NRXN1: variants seen among roughly 807,000 people sequenced by gnomAD.
NRXN1 encodes the protein neurexin-1.
In NRXN1, 39 loss-of-function variants were observed where a neutral mutation model predicts 150.9. The observed-to-expected ratio is 0.26, with a 90% CI of 0.20 to 0.34. NRXN1 has a LOEUF of 0.34. Ranked by LOEUF, NRXN1 falls within the 10% of genes least tolerant of loss-of-function variation. The pLI is 1.00. For missense variants in NRXN1, 1,815 were observed against 1,949.9 expected (o/e 0.93, Z 1.30); for synonymous variants, 924 against 757.0 (o/e 1.22, Z -3.62).
intron 5 of NRXN1, among the ~76,000 whole-genome samples, chr2:50,844,051 G>C (rs1055529628): frequency 6.6e-5 from 10 of 152,252 alleles, no homozygotes; most frequent in African/African-American, 2.4e-4. Context: ...TGTGTCGTGA[G>C]AAACACGCTC....
chr2:50,011,552 C>T (rs899981149), intron 21 of NRXN1, among the ~76,000 whole-genome samples: 3 of 152,158 alleles, frequency 2.0e-5, no homozygotes, highest in Admixed American at 2.0e-4. Flanking sequence ...ATAGATAATA[C>T]CTACCTAAGA....
At chr2:50,171,525 A>G (rs2060031363) in intron 18 of NRXN1, among the ~76,000 whole-genome samples, 1 of 152,072 alleles carries the variant, frequency 6.6e-6, no homozygotes, top group Non-Finnish European at 1.5e-5. Context: ...CATAGTTTAG[A>G]GTGTTACTTC....
chr2:50,573,148 T>C (rs1416672140), intron 8 of NRXN1, among the ~76,000 whole-genome samples: 1 of 152,052 alleles, frequency 6.6e-6, no homozygotes, highest in Non-Finnish European at 1.5e-5. Context: ...GGCAGGAGGA[T>C]TGCTTGAGCT....
intron 2 of NRXN1, among the ~76,000 whole-genome samples, chr2:50,999,984 A>T (rs1166940946): frequency 2.0e-5 from 3 of 152,038 alleles, no homozygotes; most frequent in Admixed American, 6.6e-5. Flanking sequence ...TTTCTGTTGA[A>T]TTTAGAATAA....
intron 5 of NRXN1, among the ~76,000 whole-genome samples, chr2:50,769,993 T>C (rs1047442808): frequency 4.6e-5 from 7 of 152,078 alleles, no homozygotes; most frequent in African/African-American, 1.4e-4. Flanking sequence ...TAAGGGGCAT[T>C]TGTATTCTGC....
At chr2:50,352,307 T>C (rs1402879401) in intron 17 of NRXN1, among the ~76,000 whole-genome samples, 6 of 152,144 alleles carry the variant, frequency 3.9e-5, no homozygotes. Context: ...TATTTCTTCA[T>C]ATTACAAAAA....
rs759572439 is a variant in NRXN1 at position 50,998,353 on chromosome 2, G to A, written c.772+29149C>T. Reference sequence around the variant, plus strand: ...CTAAGTAGAATGTCACTGCATATAGGGTATTGAAATACAGAAGCCATTTCT... The same window carrying A: ...CTAAGTAGAATGTCACTGCATATAGAGTATTGAAATACAGAAGCCATTTCT... On this transcript the variant is annotated intron_variant, in intron 2 of 22. Transcript: ENST00000401669. Among the ~76,000 whole-genome samples the A allele has an allele frequency of 2.4e-4, 26 of 106,248 alleles. 3 individuals carry two copies. Among genetic ancestry groups the A allele is most frequent in the Non-Finnish European group, 3.9e-4 (22 of 56,284 alleles). 69.7% of individuals were successfully genotyped at this position (106,248 alleles called of 152,430 possible). A position where few individuals can be genotyped will look rare whatever the true frequency, so the allele number is the denominator to read the frequency against.
At chr2:50,571,466 A>G (rs1436387606) in intron 8 of NRXN1, among the ~76,000 whole-genome samples, 1 of 152,048 alleles carries the variant, frequency 6.6e-6, no homozygotes, top group African/African-American at 2.4e-5. Flanking sequence ...GTCTCAGTGT[A>G]TTTTTGTCTA....
chr2:50,933,930 A>G (rs1383833703), intron 2 of NRXN1, among the ~76,000 whole-genome samples: 1 of 152,174 alleles, frequency 6.6e-6, no homozygotes, highest in Non-Finnish European at 1.5e-5. Context: ...GGTATACTTA[A>G]TTACTTCTTC....
At chr2:50,106,436 G>A (rs554740620) in intron 18 of NRXN1, among the ~76,000 whole-genome samples, 1 of 152,076 alleles carries the variant, frequency 6.6e-6, no homozygotes, top group South Asian at 2.1e-4. Context: ...GAACAAAAGA[G>A]AGAAGAATAT....
At chr2:50,127,987 C>T (rs12151722) in intron 18 of NRXN1, among the ~76,000 whole-genome samples, 39,903 of 152,120 alleles carry the variant, frequency 0.26, 5,703 homozygotes, top group Admixed American at 0.4. Flanking sequence ...CAGTTACTTT[C>T]GTTCTTCTCT....
chr2:50,932,592 G>A (rs996198970), intron 2 of NRXN1, among the ~76,000 whole-genome samples: 1 of 152,024 alleles, frequency 6.6e-6, no homozygotes, highest in Non-Finnish European at 1.5e-5. Flanking sequence ...AAGGGCAGGA[G>A]AGGAGTAAGG....
intron 17 of NRXN1, among the ~76,000 whole-genome samples, chr2:50,463,148 C>T (rs1205549004): frequency 1.3e-5 from 2 of 151,754 alleles, no homozygotes; most frequent in Non-Finnish European, 3.0e-5. Flanking sequence ...CCAGGAATCA[C>T]ACTAATTCTA....
chr2:50,007,596 G>C (rs949540844), intron 21 of NRXN1, among the ~76,000 whole-genome samples: 1 of 152,100 alleles, frequency 6.6e-6, no homozygotes, highest in East Asian at 1.9e-4. Flanking sequence ...ATTCCCTAGT[G>C]TATATGTGCC....
chr2:50,029,176 C>A (rs1300466486), intron 21 of NRXN1, among the ~76,000 whole-genome samples: 2 of 152,184 alleles, frequency 1.3e-5, no homozygotes, highest in Non-Finnish European at 2.9e-5. Context: ...GACAACACAG[C>A]TAAAAGACAG....
intron 21 of NRXN1, among the ~76,000 whole-genome samples, chr2:50,019,947 C>CAAAAAAAAAAAAAAAAAAAAAAAAA (rs1161865745): frequency 2.3e-5 from 1 of 43,358 alleles, no homozygotes; most frequent in Non-Finnish European, 4.9e-5. Flanking sequence ...GACTCCGTCT[C>CAAAAAAAAAAAAAAAAAAAAAAAAA]AAAAAAAAAA....
intron 19 of NRXN1, among the ~76,000 whole-genome samples, chr2:50,059,871 T>C (rs1355225805): frequency 6.6e-6 from 1 of 152,164 alleles, no homozygotes; most frequent in Non-Finnish European, 1.5e-5. Context: ...TACCTAGATT[T>C]CAGAGGATGT....
chr2:50,993,055 A>T (rs1698764188), intron 2 of NRXN1, among the ~76,000 whole-genome samples: 1 of 152,010 alleles, frequency 6.6e-6, no homozygotes, highest in Non-Finnish European at 1.5e-5. Flanking sequence ...ATACAAGGAC[A>T]TACAAAGAGT....
rs2066986650 is a variant in NRXN1, at chr2:50,250,953, TGTAATAAATTTATTACACATTGCATA to T, written c.3365-14009_3365-13984del. On this transcript the variant is annotated intron_variant, in intron 17 of 22. Transcript: ENST00000401669. ...TAATAAATTTATTACATATGGCATA[TGTAATAAATTTATTACACATTGCATA>T]TGTAATAAATTTATTACACATTGCA... Among the ~76,000 whole-genome samples, 26 of 151,508 alleles carry T rather than the reference TGTAATAAATTTATTACACATTGCATA, an allele frequency of 1.7e-4. No homozygotes were observed. The South Asian group carries it at 5.4e-3, about 32-fold the overall frequency.
Sources: allele counts gnomAD v4.1 joint callset (sites outside exome capture counted in the v4.1 genomes callset), GRCh38; gene constraint gnomAD v4.1.1; transcripts MANE v1.5; gene names NCBI Gene and HGNC (gene_info 2026-07-23, HGNC 2026-07-21).